The following NMT2 variants were observed in gnomAD, a reference collection of about 807,000 sequenced individuals.
NMT2 encodes the protein N-myristoyltransferase 2.
A neutral mutation model predicts 65.4 loss-of-function variants in NMT2; 35 were observed. That is an observed-to-expected ratio of 0.54 (90% CI 0.41 to 0.71). NMT2 has a LOEUF of 0.71. Ranked by LOEUF, NMT2 falls within the 30% of genes least tolerant of loss-of-function variation. NMT2 has a pLI of 0.00. For synonymous variants in NMT2, 226 were observed against 231.8 expected, an observed-to-expected ratio of 0.98 and a Z score of 0.23; for missense variants, 489 against 611.3, an observed-to-expected ratio of 0.80 and a Z score of 2.11.
At chr10:15,123,487 T>A (rs1845986239) in intron 8 of NMT2, among the ~76,000 whole-genome samples, 1 of 124,868 alleles carries the variant, frequency 8.0e-6, no homozygotes, top group Non-Finnish European at 1.6e-5. Context: ...CAAGATCGCA[T>A]CACTGCACTC....
chr10:15,144,706 G>T (rs10796261), intron 1 of NMT2, among the ~76,000 whole-genome samples: 66 of 151,794 alleles, frequency 4.3e-4, no homozygotes, highest in Non-Finnish European at 8.1e-4. Flanking sequence ...ACTCCAGCCT[G>T]GGCGACAGAG....
In NMT2 at chr10:15,142,728, T is replaced by C. The variant is rs1444147543; in HGVS notation, c.111-1171A>G. On this transcript the variant is annotated intron_variant, in intron 1 of 11. Coordinates refer to ENST00000378165, the MANE Select transcript of NMT2 (RefSeq NM_004808.3). The stretch of plus-strand genomic sequence containing the variant: ...ACAACAAGCAGTTTATTTTCATCAA[T>C]AGAATCAAATTTGTGCTATCATGAT... 2.6e-5 allele frequency among the ~76,000 whole-genome samples: 4 copies of C among 152,184 alleles called. No individual in the cohort carries two copies. In the South Asian group the frequency reaches 6.2e-4, roughly 24 times the overall value.
At position 15,132,935 on chromosome 10, in the gene NMT2, T is replaced by C; in HGVS notation, c.603-2A>G. 1 of 1,611,086 alleles carries C rather than the reference T, an allele frequency of 6.2e-7. No individual in the cohort carries two copies. Among genetic ancestry groups the C allele is most frequent in the Non-Finnish European group, 8.5e-7 (1 of 1,177,992 alleles). ...AGCCAGCCTGGTGGACGCAGAGCCCTGAGGTCACGGTAGACAAGAAAACAG... is the reference window on the plus strand; with the variant it reads ...AGCCAGCCTGGTGGACGCAGAGCCCCGAGGTCACGGTAGACAAGAAAACAG... On this transcript the variant is annotated splice_acceptor_variant, in intron 5 of 11. Coordinates refer to ENST00000378165, the MANE Select transcript of NMT2 (RefSeq NM_004808.3). LOFTEE classifies it high-confidence loss of function.
rs79025699 is a variant in NMT2, at chr10:15,128,567, T to C, written c.891-109A>G. 5.3e-4 allele frequency: 367 copies of C among 686,950 alleles called. 2 individuals are homozygous for C. Among genetic ancestry groups the C allele is most frequent in the East Asian group, 3.8e-3 (145 of 38,468 alleles). The allele number at this position is 686,950 out of a possible 1,614,324, so 42.6% of individuals were successfully genotyped here. ...AAGCATTTACTGAATACTTACGTTG[T>C]ACTAGACAGAGGCCCTCATCCTATG... On this transcript the variant is annotated intron_variant, in intron 7 of 11. Transcript: ENST00000378165.
At chr10:15,147,660 G>T (rs553047166) in intron 1 of NMT2, among the ~76,000 whole-genome samples, 1 of 152,218 alleles carries the variant, frequency 6.6e-6, no homozygotes, top group East Asian at 1.9e-4. Context: ...TTCCAAATGG[G>T]TGAAAGACCC....
chr10:15,133,319 T>C lies in NMT2; in HGVS notation c.436A>G (p.Asn146Asp). The change falls in exon 4 of 12, where the codon AAC becomes GAC. Residue 146 changes from asparagine (N) to aspartate (D), a missense_variant. Asn to Asp is a conservative substitution (Grantham distance 23). Coordinates refer to ENST00000378165, the MANE Select transcript of NMT2 (RefSeq NM_004808.3). ...SHGAIEPDKDNVRQEPYSLPQ... is the reference protein window; with the variant it reads ...SHGAIEPDKDDVRQEPYSLPQ... ...AAAGAATACGGTTCTTGGCGTACGT[T>C]GTCTTTATCTGGTTCAATTGCACCA... The C allele has an allele frequency of 6.8e-6, 11 of 1,614,180 alleles. No individual in the cohort carries two copies. The highest frequency in any genetic ancestry group is 7.6e-6 in the Non-Finnish European group (9 of 1,180,006).
At chr10:15,155,512 G>A (rs988501415) in intron 1 of NMT2, among the ~76,000 whole-genome samples, 4 of 150,386 alleles carry the variant, frequency 2.7e-5, no homozygotes, top group African/African-American at 9.8e-5. Flanking sequence ...AGGAGTACAG[G>A]TGTATGCCAC....
Position 15,132,780 on chromosome 10 carries a change from A to G in NMT2, c.719+37T>C, listed in dbSNP as rs112128908. On this transcript the variant is annotated intron_variant, in intron 6 of 11. Coordinates refer to ENST00000378165, the MANE Select transcript of NMT2 (RefSeq NM_004808.3). ...TCTAATTGTAATTCTTAGAAAATAA[A>G]CATATAAAAACCGCATGGACGAGCT... 1.9e-3 allele frequency: 2,638 copies of G among 1,401,958 alleles called. 24 individuals are homozygous for G. In the African/African-American group the frequency reaches 0.021, roughly 11 times the overall value. 86.8% of individuals were successfully genotyped at this position (1,401,958 alleles called of 1,614,324 possible). A position where few individuals can be genotyped will look rare whatever the true frequency, so the allele number is the denominator to read the frequency against.
In NMT2 at chr10:15,132,812, T is replaced by C. The variant is rs1589319415; in HGVS notation, c.719+5A>G. 3.2e-6 allele frequency: 5 copies of C among 1,587,210 alleles called. No homozygotes were observed. In the East Asian group the frequency reaches 8.9e-5, roughly 28 times the overall value. On this transcript the variant is annotated splice_donor_5th_base_variant and intron_variant, in intron 6 of 11. Transcript: ENST00000378165. ...AAAACCGCATGGACGAGCTTAAACATGTACCTGTCATAAATCCGAATGTTT... is the reference window on the plus strand; with the variant it reads ...AAAACCGCATGGACGAGCTTAAACACGTACCTGTCATAAATCCGAATGTTT...
chr10:15,166,526 C>T (rs975800363), intron 1 of NMT2, among the ~76,000 whole-genome samples: 9 of 152,338 alleles, frequency 5.9e-5, no homozygotes, highest in Admixed American at 3.3e-4. Context: ...AAATTTGGCA[C>T]ACATTGTCTA....
chr10:15,123,432 G>A (rs926954881), intron 8 of NMT2, among the ~76,000 whole-genome samples: 1 of 151,454 alleles, frequency 6.6e-6, no homozygotes, highest in African/African-American at 2.4e-5. Flanking sequence ...AGGAGGCTGA[G>A]GCAGGAGAAT....
chr10:15,153,226 G>A (rs942169219), intron 1 of NMT2, among the ~76,000 whole-genome samples: 1 of 152,184 alleles, frequency 6.6e-6, no homozygotes, highest in Non-Finnish European at 1.5e-5. Flanking sequence ...TTCCAGGCCA[G>A]CCTGGGTAAC....
At chr10:15,164,076 C>T (rs894964164) in intron 1 of NMT2, among the ~76,000 whole-genome samples, 14 of 150,096 alleles carry the variant, frequency 9.3e-5, no homozygotes, top group African/African-American at 3.2e-4. Context: ...CCAGCTACTC[C>T]GGAAGCTGAG....
chr10:15,140,721 G>C (rs1391906952), intron 2 of NMT2, among the ~76,000 whole-genome samples: 1 of 152,122 alleles, frequency 6.6e-6, no homozygotes. Context: ...TGCATCAAGA[G>C]GGCTTTGTGT....
rs1413797801 is a variant in NMT2, at chr10:15,105,783, TA to T, written c.*3411del. 6.6e-6 allele frequency among the ~76,000 whole-genome samples: 1 copy of T among 152,250 alleles called. No individual in the cohort carries two copies. Among genetic ancestry groups the T allele is most frequent in the Non-Finnish European group, 1.5e-5 (1 of 68,044 alleles). ...AGAAACTATCCATTGCATTTCAATT[TA>T]GTTTTAATAGCTACTTCATAAGCAA... On this transcript the variant is annotated 3_prime_UTR_variant, in exon 12 of 12. Coordinates refer to ENST00000378165, the MANE Select transcript of NMT2 (RefSeq NM_004808.3).
At position 15,135,344 on chromosome 10, in the gene NMT2, T is replaced by C. The variant is rs748455421; in HGVS notation, c.321A>G (p.Pro107=). ...AMELLSACQG[P]ARNIDEAAKH... is the part of the protein sequence containing the mutation. ...TTGCAGCCTCATCAATGTTCCTGGC[T>C]GGGCCCTGGCATGCGGATAGCAGCT... Residue 107 remains proline, a synonymous_variant, in exon 3 of 12, where the codon CCA becomes CCG. Coordinates refer to ENST00000378165, the MANE Select transcript of NMT2 (RefSeq NM_004808.3). 6.2e-7 allele frequency: 1 copy of C among 1,614,194 alleles called. No homozygotes were observed. Among genetic ancestry groups the C allele is most frequent in the South Asian group, 1.1e-5 (1 of 91,088 alleles).
At chr10:15,117,823 G>C (rs142337561) in intron 9 of NMT2, among the ~76,000 whole-genome samples, 5 of 152,308 alleles carry the variant, frequency 3.3e-5, no homozygotes, top group African/African-American at 9.6e-5. Flanking sequence ...ATACACTTAA[G>C]AAAACATGTA....
intron 9 of NMT2, among the ~76,000 whole-genome samples, chr10:15,113,228 T>G (rs1346836952): frequency 6.6e-6 from 1 of 151,888 alleles, no homozygotes; most frequent in East Asian, 1.9e-4. Flanking sequence ...CCCAGCACTT[T>G]GGGAGGATGA....
intron 1 of NMT2, among the ~76,000 whole-genome samples, chr10:15,167,690 C>G (rs1473480302): frequency 6.6e-6 from 1 of 152,216 alleles, no homozygotes; most frequent in African/African-American, 2.4e-5. Flanking sequence ...TGAAGCAATC[C>G]TTTTCTCCAA....
Sources: allele counts gnomAD v4.1 joint callset (sites outside exome capture counted in the v4.1 genomes callset), GRCh38; gene constraint gnomAD v4.1.1; transcripts MANE v1.5; gene names NCBI Gene and HGNC (gene_info 2026-07-23, HGNC 2026-07-21).